The following MMP16 variants were observed in gnomAD, a reference collection of about 807,000 sequenced individuals.
MMP16 encodes the protein matrix metallopeptidase 16.
A neutral mutation model predicts 67.8 loss-of-function variants in MMP16; 12 were observed. The ratio of observed to expected loss-of-function variants is 0.18; its 90% CI spans 0.11 to 0.29. The LOEUF (loss-of-function observed/expected upper bound fraction) is 0.29, where lower values mean the gene tolerates loss of function less well. Among genes scored for constraint, MMP16 ranks in the 10% least tolerant of loss-of-function variants. MMP16 has a pLI of 1.00. For synonymous variants in MMP16, 249 were observed against 255.9 expected (o/e 0.97, Z 0.26); for missense variants, 475 against 765.7 (o/e 0.62, Z 4.48).
At position 88,200,398 on chromosome 8, in the gene MMP16, T is replaced by A. The variant is rs181797163; in HGVS notation, c.133-3092A>T. On this transcript the variant is annotated intron_variant, in intron 1 of 9. Coordinates refer to ENST00000286614, the MANE Select transcript of MMP16 (RefSeq NM_005941.5). ...TCTTTACTATCTGGGACTTACCCCA[T>A]CTCATTATCTCTAGAACAACCAACC... is the stretch of plus-strand genomic sequence containing the variant. Among the ~76,000 whole-genome samples the A allele has an allele frequency of 1.3e-3, 197 of 152,138 alleles. 2 individuals carry two copies. Among genetic ancestry groups the A allele is most frequent in the African/African-American group, 4.6e-3 (193 of 41,552 alleles).
intron 1 of MMP16, among the ~76,000 whole-genome samples, chr8:88,286,977 T>C (rs1810842983): frequency 6.6e-6 from 1 of 152,216 alleles, no homozygotes; most frequent in African/African-American, 2.4e-5. Flanking sequence ...TCTCCCCTTC[T>C]AGAATGCTGC....
intron 1 of MMP16, among the ~76,000 whole-genome samples, chr8:88,258,230 C>T (rs1282890976): frequency 6.6e-6 from 1 of 152,090 alleles, no homozygotes; most frequent in East Asian, 1.9e-4. Context: ...CCTGTGCTAA[C>T]ACCTCTGCTG....
rs1808093630 is a variant in MMP16 at position 88,039,026 on chromosome 8, TAAACATGTAGTTTAACCAA to T, written c.*2416_*2434del. ...TAAAATATTTTCCCCAACCAAATCA[TAAACATGTAGTTTAACCAA>T]AAGGCATTCTAATTTTCATGCTACG... On this transcript the variant is annotated 3_prime_UTR_variant, in exon 10 of 10. Transcript: ENST00000286614. The surrounding 1 kb of genome is among the most constrained non-coding windows in gnomAD (Gnocchi z 4.5). 1 of 152,572 alleles carries T rather than the reference TAAACATGTAGTTTAACCAA, an allele frequency of 6.6e-6. No homozygotes were observed. The highest frequency in any genetic ancestry group is 6.6e-5 in the Admixed American group (1 of 15,256). The allele number at this position is 152,572 out of a possible 1,614,324, so 9.5% of individuals were successfully genotyped here.
intron 8 of MMP16, among the ~76,000 whole-genome samples, chr8:88,055,451 AC>A (rs1808320171): frequency 6.6e-6 from 1 of 152,104 alleles, no homozygotes; most frequent in Non-Finnish European, 1.5e-5. Context: ...CAAGTGATCC[AC>A]CCACCTTGGC....
intron 1 of MMP16, among the ~76,000 whole-genome samples, chr8:88,306,684 G>A (rs1042055718): frequency 1.3e-5 from 2 of 152,028 alleles, no homozygotes; most frequent in African/African-American, 2.4e-5. Flanking sequence ...AAATCCACAT[G>A]GTTATCTCAA....
intron 1 of MMP16, among the ~76,000 whole-genome samples, chr8:88,267,181 T>C (rs1321977574): frequency 6.6e-6 from 1 of 152,220 alleles, no homozygotes; most frequent in African/African-American, 2.4e-5. Flanking sequence ...ATAGTATATA[T>C]GAATCACAAA....
At chr8:88,273,810 T>A (rs1810603298) in intron 1 of MMP16, among the ~76,000 whole-genome samples, 1 of 152,072 alleles carries the variant, frequency 6.6e-6, no homozygotes, top group South Asian at 2.1e-4. Context: ...TATATGTCAA[T>A]GGAAACAACC....
chr8:88,210,831 C>G (rs762510198), intron 1 of MMP16, among the ~76,000 whole-genome samples: 1 of 152,110 alleles, frequency 6.6e-6, no homozygotes, highest in Non-Finnish European at 1.5e-5. Context: ...AAACTGCATT[C>G]TGGAGAGTAC....
At chr8:88,313,190 T>A (rs573475619) in intron 1 of MMP16, among the ~76,000 whole-genome samples, 45 of 152,236 alleles carry the variant, frequency 3.0e-4, no homozygotes, top group Non-Finnish European at 5.7e-4. Flanking sequence ...CTGATGTTGT[T>A]GGACATCTGT....
intron 4 of MMP16, among the ~76,000 whole-genome samples, chr8:88,152,032 A>G (rs1208626464): frequency 1.7e-5 from 1 of 58,194 alleles, no homozygotes; most frequent in African/African-American, 9.8e-5. Flanking sequence ...TAAAGGGGAT[A>G]TCACCACTGA....
chr8:88,207,149 C>T (rs898770439), intron 1 of MMP16, among the ~76,000 whole-genome samples: 4 of 152,106 alleles, frequency 2.6e-5, no homozygotes, highest in Non-Finnish European at 5.9e-5. Flanking sequence ...AAAAAATATA[C>T]ACAAATCTAT....
chr8:88,198,662 A>C (rs1186834441), intron 1 of MMP16, among the ~76,000 whole-genome samples: 1 of 152,078 alleles, frequency 6.6e-6, no homozygotes, highest in African/African-American at 2.4e-5. Flanking sequence ...ATTTCCAAAA[A>C]CTGACCACCT....
chr8:88,296,116 C>T (rs1811009379), intron 1 of MMP16, among the ~76,000 whole-genome samples: 1 of 152,100 alleles, frequency 6.6e-6, no homozygotes, highest in South Asian at 2.1e-4. Flanking sequence ...TTTTCAGGCT[C>T]CATCATTCAT....
chr8:88,219,260 G>A (rs1201510276), intron 1 of MMP16, among the ~76,000 whole-genome samples: 5 of 151,764 alleles, frequency 3.3e-5, no homozygotes, highest in Middle Eastern at 3.2e-3. Context: ...AAGGAGCATC[G>A]CACATCAGGC....
chr8:88,209,458 C>T (rs1809479831), intron 1 of MMP16, among the ~76,000 whole-genome samples: 1 of 152,024 alleles, frequency 6.6e-6, no homozygotes, highest in African/African-American at 2.4e-5. Flanking sequence ...GGTTAATCAA[C>T]TTTATATTAT....
rs1470231130 is a variant in MMP16 at position 88,161,008 on chromosome 8, C to CT, written c.709+6660dup. ...ATCAGGGATATTGGTCTAAAATTCT[C>CT]TTTTTTTGTTGTGTCTCTGCCAGGC... On this transcript the variant is annotated intron_variant, in intron 4 of 9. Coordinates refer to ENST00000286614, the MANE Select transcript of MMP16 (RefSeq NM_005941.5). 3.3e-5 allele frequency among the ~76,000 whole-genome samples: 5 copies of CT among 152,016 alleles called. No individual in the cohort carries two copies. The South Asian group carries it at 6.2e-4, about 19-fold the overall frequency.
chr8:88,080,220 C>T (rs1223297933), intron 6 of MMP16, among the ~76,000 whole-genome samples: 1 of 152,076 alleles, frequency 6.6e-6, no homozygotes, highest in Non-Finnish European at 1.5e-5. Context: ...GACAGATCTC[C>T]CAATTTTTTT....
intron 1 of MMP16, among the ~76,000 whole-genome samples, chr8:88,294,497 TATGTATATGTCTCTACACACAC>T (rs1810980498): frequency 6.7e-6 from 1 of 149,460 alleles, no homozygotes; most frequent in Non-Finnish European, 1.5e-5. Context: ...TATACACACA[TATGTATATGTCTCTACACACAC>T]ATGTATATGT....
At chr8:88,277,049 A>C (rs1480391076) in intron 1 of MMP16, among the ~76,000 whole-genome samples, 3 of 152,146 alleles carry the variant, frequency 2.0e-5, no homozygotes, top group Non-Finnish European at 2.9e-5. Context: ...AAATTAGAAA[A>C]TCTTAATAAC....
Sources: gnomAD v4.1 joint callset for allele counts (sites outside exome capture counted in the v4.1 genomes callset) on GRCh38, gnomAD v4.1.1 for gene constraint, Gnocchi (gnomAD v3.1) non-coding constraint, MANE v1.5 for transcripts, NCBI Gene and HGNC (gene_info 2026-07-23, HGNC 2026-07-21) for gene names.